Variants in FBXL17 observed in about 807,000 individuals in gnomAD.
FBXL17 encodes F-box/LRR-repeat protein 17.
A neutral mutation model predicts 66.2 loss-of-function variants in FBXL17; 22 were observed. That is an observed-to-expected ratio of 0.33 (90% CI 0.24 to 0.47). The LOEUF is 0.47. FBXL17 is among the 20% of genes least tolerant of loss of function. The pLI is 1.00. For missense variants in FBXL17, 878 were observed against 948.2 expected, an observed-to-expected ratio of 0.93 and a Z score of 0.97; for synonymous variants, 474 against 400.5, an observed-to-expected ratio of 1.18 and a Z score of -2.19.
At chr5:108,050,961 C>T (rs1315359688) in intron 6 of FBXL17, among the ~76,000 whole-genome samples, 1 of 152,202 alleles carries the variant, frequency 6.6e-6, no homozygotes. Context: ...AGAAACACCT[C>T]TGTGCAAATA....
intron 7 of FBXL17, among the ~76,000 whole-genome samples, chr5:107,946,237 A>T (rs1751272439): frequency 8.8e-6 from 1 of 113,536 alleles, no homozygotes; most frequent in Admixed American, 1.0e-4. Context: ...TAGTATTATT[A>T]CTTTTATCAA....
chr5:108,299,676 G>C, intron 4 of FBXL17: 2 of 983,232 alleles, frequency 2.0e-6, no homozygotes, highest in Non-Finnish European at 2.4e-6. Flanking sequence ...AGGCCAGCCT[G>C]CCCCTGTTCA....
chr5:108,071,411 GA>G (rs1198432155), intron 6 of FBXL17, among the ~76,000 whole-genome samples: 1 of 152,184 alleles, frequency 6.6e-6, no homozygotes, highest in Non-Finnish European at 1.5e-5. Flanking sequence ...CTTGAAATTA[GA>G]AAGAAAAATT....
At chr5:108,056,895 T>A (rs995386484) in intron 6 of FBXL17, among the ~76,000 whole-genome samples, 1 of 152,218 alleles carries the variant, frequency 6.6e-6, no homozygotes, top group Non-Finnish European at 1.5e-5. Context: ...AATGCCAACC[T>A]AACTATTCTC....
At chr5:108,290,988 G>GA (rs1467388091) in intron 4 of FBXL17, among the ~76,000 whole-genome samples, 1 of 152,150 alleles carries the variant, frequency 6.6e-6, no homozygotes, top group Non-Finnish European at 1.5e-5. Flanking sequence ...TGGAAACAAA[G>GA]AAGTTCATAC....
At chr5:108,284,001 C>T (rs969407290) in intron 4 of FBXL17, among the ~76,000 whole-genome samples, 1 of 151,862 alleles carries the variant, frequency 6.6e-6, no homozygotes, top group Non-Finnish European at 1.5e-5. Context: ...CATCTTACTC[C>T]AGGCAAAATA....
At chr5:108,339,225 C>T (rs1270287309) in intron 4 of FBXL17, among the ~76,000 whole-genome samples, 1 of 152,150 alleles carries the variant, frequency 6.6e-6, no homozygotes, top group Non-Finnish European at 1.5e-5. Flanking sequence ...TATCCTAAAA[C>T]CCTAGAACCT....
chr5:108,000,927 G>A (rs1753697016), intron 7 of FBXL17, among the ~76,000 whole-genome samples: 1 of 152,234 alleles, frequency 6.6e-6, no homozygotes, highest in African/African-American at 2.4e-5. Flanking sequence ...GTAGAATACA[G>A]CAGAAGCCCT....
chr5:108,359,615 T>C (rs187622211), intron 3 of FBXL17, among the ~76,000 whole-genome samples: 1 of 152,278 alleles, frequency 6.6e-6, no homozygotes, highest in East Asian at 1.9e-4. Flanking sequence ...CAATTTTCCT[T>C]CTATTATTGA....
At chr5:108,261,626 A>G (rs1756823723) in intron 4 of FBXL17, among the ~76,000 whole-genome samples, 1 of 152,188 alleles carries the variant, frequency 6.6e-6, no homozygotes, top group African/African-American at 2.4e-5. Flanking sequence ...TAAAGACCCA[A>G]ACTAAACACA....
rs761661799 is a variant in FBXL17 at position 108,364,834 on chromosome 5, A to G, written c.1278T>C (p.Ser426=). 1.2e-6 allele frequency: 2 copies of G among 1,613,168 alleles called. No individual in the cohort carries two copies. The highest frequency in any genetic ancestry group is 2.2e-5 in the East Asian group (1 of 44,846). The change falls in exon 3 of 9, where the codon TCT becomes TCC. Residue 426 remains serine (S), a synonymous_variant. Transcript: ENST00000542267. The stretch of plus-strand genomic sequence containing the variant: ...AGGCAACCGCAATAATAGAGGTGTC[A>G]GAAAGCTGTTTACACCTGTAGGCTG... ...RYTAYRCKQL[S]DTSIIAVASH... is the part of the protein sequence containing the mutation.
chr5:107,980,799 G>C (rs996795730), intron 7 of FBXL17, among the ~76,000 whole-genome samples: 3 of 148,950 alleles, frequency 2.0e-5, no homozygotes, highest in African/African-American at 7.5e-5. Flanking sequence ...TGGGACTACA[G>C]GCACCCACCA....
At position 108,251,062 on chromosome 5, in the gene FBXL17, A is replaced by T. The variant is rs1290050671; in HGVS notation, c.1507-26834T>A. Among the ~76,000 whole-genome samples, 3 of 152,162 alleles carry T rather than the reference A, an allele frequency of 2.0e-5. No individual in the cohort carries two copies. The East Asian group carries it at 5.8e-4, about 29-fold the overall frequency. On this transcript the variant is annotated intron_variant, in intron 4 of 8. Transcript: ENST00000542267. The stretch of plus-strand genomic sequence containing the variant: ...AATACTTCAACAAATATCCTTGTAG[A>T]TATATTTTGAAAAACTAGCACCAAT...
intron 6 of FBXL17, among the ~76,000 whole-genome samples, chr5:108,184,897 A>G (rs1384001119): frequency 1.3e-5 from 2 of 152,100 alleles, no homozygotes; most frequent in East Asian, 3.9e-4. Context: ...AAAGGAAAAT[A>G]TTTTTGGAAA....
intron 4 of FBXL17, among the ~76,000 whole-genome samples, chr5:108,295,053 A>G (rs1758288169): frequency 6.6e-6 from 1 of 152,018 alleles, no homozygotes; most frequent in Admixed American, 6.6e-5. Flanking sequence ...ATTTAGAGTG[A>G]CATTACTTTA....
At chr5:108,124,274 A>T (rs930366965) in intron 6 of FBXL17, among the ~76,000 whole-genome samples, 5 of 152,046 alleles carry the variant, frequency 3.3e-5, no homozygotes, top group African/African-American at 1.2e-4. Flanking sequence ...CAATTTCATA[A>T]GATATGAAAT....
rs539324776 is a variant in FBXL17, at chr5:107,909,718, TA to T, written c.1823-28540del. ...ACCCAGTGAATTCTGAGACTCTAAATAAAACATAAAGCTCTAGTGCAGAGAC... is the reference window on the plus strand; with the variant it reads ...ACCCAGTGAATTCTGAGACTCTAAATAAACATAAAGCTCTAGTGCAGAGAC... On this transcript the variant is annotated intron_variant, in intron 7 of 8. Coordinates refer to ENST00000542267, the MANE Select transcript of FBXL17 (RefSeq NM_001163315.3). Among the ~76,000 whole-genome samples the T allele has an allele frequency of 1.4e-4, 21 of 152,150 alleles. 1 individual carries two copies. The highest frequency in any genetic ancestry group is 4.8e-4 in the African/African-American group (20 of 41,506).
intron 4 of FBXL17, among the ~76,000 whole-genome samples, chr5:108,229,314 C>A (rs559828581): frequency 6.6e-5 from 10 of 152,214 alleles, no homozygotes; most frequent in South Asian, 4.2e-4. Flanking sequence ...CAAGTTCAAA[C>A]TATACTGTAA....
At chr5:107,995,956 A>G (rs964800099) in intron 7 of FBXL17, among the ~76,000 whole-genome samples, 2 of 152,228 alleles carry the variant, frequency 1.3e-5, no homozygotes, top group African/African-American at 4.8e-5. Flanking sequence ...AGCTGAGTCT[A>G]TAAAAGACAA....
Sources: allele counts gnomAD v4.1 joint callset (sites outside exome capture counted in the v4.1 genomes callset), GRCh38; gene constraint gnomAD v4.1.1; transcripts MANE v1.5; gene names NCBI Gene and HGNC (gene_info 2026-07-23, HGNC 2026-07-21).